ARSB: variants seen among roughly 807,000 people sequenced by gnomAD.
ARSB encodes N-acetylgalactosamine-4-sulfatase.
A neutral mutation model predicts 50.9 loss-of-function variants in ARSB; 41 were observed. The observed-to-expected ratio is 0.81, with a 90% CI of 0.63 to 1.04. ARSB has a LOEUF of 1.04. Ranked by LOEUF, ARSB falls within the 50% of genes least tolerant of loss-of-function variation. The probability of loss-of-function intolerance (pLI) is 0.00; values close to 1 mark genes in which losing one functional copy is unlikely to be tolerated. For synonymous variants in ARSB, 269 were observed against 284.8 expected, an observed-to-expected ratio of 0.94 and a Z score of 0.56; for missense variants, 672 against 693.3, an observed-to-expected ratio of 0.97 and a Z score of 0.35.
chr5:78,861,091 A>C (rs1386050735), intron 5 of ARSB, among the ~76,000 whole-genome samples: 1 of 152,204 alleles, frequency 6.6e-6, no homozygotes, highest in Non-Finnish European at 1.5e-5. Context: ...TAGACCAATA[A>C]CAGGCTCTGA....
At chr5:78,913,508 T>C (rs994283880) in intron 4 of ARSB, among the ~76,000 whole-genome samples, 3 of 152,238 alleles carry the variant, frequency 2.0e-5, no homozygotes, top group Admixed American at 2.0e-4. Context: ...TTTCCTATCC[T>C]GTTGTGTGAT....
intron 4 of ARSB, among the ~76,000 whole-genome samples, chr5:78,895,914 C>G (rs1180097294): frequency 6.6e-6 from 1 of 152,146 alleles, no homozygotes; most frequent in Non-Finnish European, 1.5e-5. Flanking sequence ...ACATCTTGGG[C>G]TCTGCCCCCA....
chr5:78,967,190 G>T (rs3797551), intron 2 of ARSB, among the ~76,000 whole-genome samples: 2 of 151,860 alleles, frequency 1.3e-5, no homozygotes, highest in Admixed American at 1.3e-4. Context: ...ACCACCTAAC[G>T]TATTATTAAA....
intron 6 of ARSB, among the ~76,000 whole-genome samples, chr5:78,838,054 C>A (rs980332445): frequency 6.6e-6 from 1 of 152,126 alleles, no homozygotes; most frequent in African/African-American, 2.4e-5. Flanking sequence ...TTACTGAGTG[C>A]CTAGCAAGCT....
At chr5:78,942,018 T>A (rs1035807588) in intron 4 of ARSB, among the ~76,000 whole-genome samples, 2 of 152,208 alleles carry the variant, frequency 1.3e-5, no homozygotes, top group Non-Finnish European at 2.9e-5. Flanking sequence ...TGGGAGGGTG[T>A]ATGTATCCAG....
intron 5 of ARSB, among the ~76,000 whole-genome samples, chr5:78,848,175 G>A (rs1224049761): frequency 1.3e-5 from 2 of 149,370 alleles, no homozygotes; most frequent in African/African-American, 2.5e-5. Flanking sequence ...CCATTAACTC[G>A]TCATTTAGCA....
chr5:78,927,760 T>G lies in ARSB; in HGVS notation c.898+27535A>C, dbSNP rs573209259. ...TGAACCAGAGGAGTTTGCCTCTGCC[T>G]AGGAAAAACAGAACCTGTTATCTAA... On this transcript the variant is annotated intron_variant, in intron 4 of 7. Transcript: ENST00000264914. Among the ~76,000 whole-genome samples the G allele has an allele frequency of 7.9e-5, 12 of 152,230 alleles. 1 individual carries two copies. In the South Asian group the frequency reaches 2.5e-3, roughly 32 times the overall value.
intron 6 of ARSB, among the ~76,000 whole-genome samples, chr5:78,782,307 T>G (rs1748949631): frequency 6.6e-6 from 1 of 152,234 alleles, no homozygotes; most frequent in African/African-American, 2.4e-5. Context: ...GTTTTTGTTT[T>G]TGGCTGTTAA....
chr5:78,916,047 A>C (rs1749530531), intron 4 of ARSB, among the ~76,000 whole-genome samples: 1 of 152,216 alleles, frequency 6.6e-6, no homozygotes, highest in Non-Finnish European at 1.5e-5. Flanking sequence ...CTTAAGATCA[A>C]TGATTCATTG....
intron 6 of ARSB, among the ~76,000 whole-genome samples, chr5:78,833,124 C>T (rs567692958): frequency 1.3e-5 from 2 of 152,186 alleles, no homozygotes; most frequent in Admixed American, 1.3e-4. Context: ...CTTGCTGGGG[C>T]CTTGCAGGAG....
At chr5:78,862,205 C>A (rs1181554375) in intron 5 of ARSB, among the ~76,000 whole-genome samples, 1 of 152,100 alleles carries the variant, frequency 6.6e-6, no homozygotes, top group Admixed American at 6.6e-5. Flanking sequence ...GTAATTTATA[C>A]ATTCAGTGCC....
intron 4 of ARSB, among the ~76,000 whole-genome samples, chr5:78,946,838 A>T (rs140168229): frequency 0.034 from 5,202 of 152,280 alleles, 275 homozygotes; most frequent in African/African-American, 0.12. Context: ...CTGAGCAAAA[A>T]GAACAAAACT....
Position 78,807,138 on chromosome 5 carries a change from GA to G in ARSB, c.1214-25165del, listed in dbSNP as rs1194095341. Among the ~76,000 whole-genome samples, 3 of 151,982 alleles carry G rather than the reference GA, an allele frequency of 2.0e-5. No individual in the cohort carries two copies. The South Asian group carries it at 6.3e-4, about 32-fold the overall frequency. On this transcript the variant is annotated intron_variant, in intron 6 of 7. Coordinates refer to ENST00000264914, the MANE Select transcript of ARSB (RefSeq NM_000046.5). ...ACGAGGGTGGTAGAAATAAGGCCAAGAAAAAAATCCACTCTGAAAAATGTTA... is the reference window on the plus strand; with the variant it reads ...ACGAGGGTGGTAGAAATAAGGCCAAGAAAAAATCCACTCTGAAAAATGTTA...
chr5:78,824,519 G>C (rs1285138571), intron 6 of ARSB, among the ~76,000 whole-genome samples: 1 of 152,140 alleles, frequency 6.6e-6, no homozygotes, highest in Non-Finnish European at 1.5e-5. Context: ...ACTGAATCAG[G>C]TGATTCGTGT....
intron 5 of ARSB, among the ~76,000 whole-genome samples, chr5:78,864,031 C>T (rs543205148): frequency 4.9e-4 from 75 of 151,634 alleles, no homozygotes; most frequent in Middle Eastern, 3.4e-3. Context: ...AAAGCAGAAG[C>T]CTATGACACA....
At chr5:78,852,540 G>A (rs9799972) in intron 5 of ARSB, among the ~76,000 whole-genome samples, 19,117 of 152,018 alleles carry the variant, frequency 0.13, 1,421 homozygotes, top group Middle Eastern at 0.21. Flanking sequence ...GTGTCTTGGA[G>A]TTGCTCTTCT....
At chr5:78,791,389 T>C (rs758205893) in intron 6 of ARSB, among the ~76,000 whole-genome samples, 1 of 152,226 alleles carries the variant, frequency 6.6e-6, no homozygotes, top group Non-Finnish European at 1.5e-5. Context: ...TAAAGTTCAG[T>C]TTATACTAAA....
intron 3 of ARSB, 68 bp from the exon 4 acceptor site, chr5:78,955,570 G>C: frequency 7.6e-7 from 1 of 1,323,324 alleles, no homozygotes; most frequent in South Asian, 1.2e-5. Flanking sequence ...GGATAAGACA[G>C]TTCAGATTTA....
At chr5:78,861,588 A>G (rs1746439679) in intron 5 of ARSB, among the ~76,000 whole-genome samples, 1 of 152,240 alleles carries the variant, frequency 6.6e-6, no homozygotes, top group Admixed American at 6.5e-5. Context: ...ACTCTCAGGA[A>G]ACTAGGTATT....
Sources: allele counts gnomAD v4.1 joint callset (sites outside exome capture counted in the v4.1 genomes callset), GRCh38; gene constraint gnomAD v4.1.1; transcripts MANE v1.5; gene names NCBI Gene and HGNC (gene_info 2026-07-23, HGNC 2026-07-21).